The following PPM1L variants were observed in gnomAD, a reference collection of about 807,000 sequenced individuals.
PPM1L encodes protein phosphatase, Mg2+/Mn2+ dependent 1L, also known as protein phosphatase 1L.
Under a neutral mutation model 31.4 loss-of-function variants are expected in PPM1L, and 13 were observed. The observed-to-expected ratio is 0.41, with a 90% CI of 0.27 to 0.66. The LOEUF (loss-of-function observed/expected upper bound fraction) is 0.66. Ranked by LOEUF, PPM1L falls within the 30% of genes least tolerant of loss-of-function variation. The pLI, the probability that PPM1L is intolerant of heterozygous loss-of-function variation, is 0.29. For missense variants in PPM1L, 326 were observed against 453.7 expected (o/e 0.72, Z 2.56); for synonymous variants, 184 against 175.4 (o/e 1.05, Z -0.39).
chr3:160,830,477 T>A (rs1713492852), intron 1 of PPM1L, among the ~76,000 whole-genome samples: 1 of 152,210 alleles, frequency 6.6e-6, no homozygotes, highest in Non-Finnish European at 1.5e-5. Flanking sequence ...CGGAGTATTT[T>A]ACGTTATTCC....
intron 1 of PPM1L, among the ~76,000 whole-genome samples, chr3:160,957,895 G>A (rs1272637978): frequency 6.6e-6 from 1 of 152,014 alleles, no homozygotes; most frequent in African/African-American, 2.4e-5. Context: ...GTTTTAATTT[G>A]CATTTCTCTA....
rs1482559329 is a variant in PPM1L, at chr3:160,984,562, C to G, written c.574+22652C>G. The stretch of plus-strand genomic sequence containing the variant: ...TGGGATTAAGAGATTAAAGTAAAGA[C>G]AGGTATAGGAAATCACAAGAGTATT... On this transcript the variant is annotated intron_variant, in intron 2 of 3. Transcript: ENST00000498165. 3.3e-5 allele frequency among the ~76,000 whole-genome samples: 5 copies of G among 152,116 alleles called. No individual in the cohort carries two copies. In the East Asian group the frequency reaches 5.8e-4, roughly 18 times the overall value.
intron 1 of PPM1L, among the ~76,000 whole-genome samples, chr3:160,886,572 C>T (rs898241915): frequency 2.6e-5 from 4 of 152,196 alleles, no homozygotes; most frequent in East Asian, 1.9e-4. Context: ...CAGATGAATA[C>T]GGCCTGAAGT....
At chr3:160,835,317 A>G (rs896460871) in intron 1 of PPM1L, among the ~76,000 whole-genome samples, 8 of 151,728 alleles carry the variant, frequency 5.3e-5, no homozygotes, top group Admixed American at 2.6e-4. Context: ...GAGTATCCAC[A>G]TCTCATTGTG....
At chr3:160,881,624 T>C (rs560040507) in intron 1 of PPM1L, among the ~76,000 whole-genome samples, 1 of 152,350 alleles carries the variant, frequency 6.6e-6, no homozygotes, top group South Asian at 2.1e-4. Flanking sequence ...TGCTTTTGAC[T>C]ATTCTCCCTG....
At chr3:161,025,269 A>G (rs1253196991) in intron 2 of PPM1L, among the ~76,000 whole-genome samples, 2 of 152,278 alleles carry the variant, frequency 1.3e-5, no homozygotes, top group East Asian at 3.9e-4. Context: ...AGGCCCTTAT[A>G]AAAGATCCTT....
chr3:161,062,912 A>C (rs1719616744), intron 2 of PPM1L, among the ~76,000 whole-genome samples: 1 of 151,676 alleles, frequency 6.6e-6, no homozygotes, highest in Non-Finnish European at 1.5e-5. Context: ...AGGAGTGTCA[A>C]CCAGCCTAAC....
At chr3:161,033,769 G>A (rs1315244775) in intron 2 of PPM1L, among the ~76,000 whole-genome samples, 1 of 152,124 alleles carries the variant, frequency 6.6e-6, no homozygotes, top group Non-Finnish European at 1.5e-5. Flanking sequence ...TACCATTCAG[G>A]ACATAGGCAT....
intron 1 of PPM1L, among the ~76,000 whole-genome samples, chr3:160,839,065 C>T (rs1713794755): frequency 6.6e-6 from 1 of 152,282 alleles, no homozygotes; most frequent in Admixed American, 6.5e-5. Context: ...ATGAGATGCC[C>T]TCTGCTCTGT....
chr3:161,021,275 T>G (rs1435078024), intron 2 of PPM1L, among the ~76,000 whole-genome samples: 2 of 152,018 alleles, frequency 1.3e-5, no homozygotes, highest in African/African-American at 4.8e-5. Flanking sequence ...TTGTGATTTC[T>G]TTTTTTGATA....
chr3:161,055,663 T>TGTTGG (rs1163724119), intron 2 of PPM1L, among the ~76,000 whole-genome samples: 1 of 152,076 alleles, frequency 6.6e-6, no homozygotes, highest in Non-Finnish European at 1.5e-5. Context: ...TTGGCTGTTG[T>TGTTGG]AACACCTTCA....
At chr3:161,006,208 G>A (rs890596777) in intron 2 of PPM1L, among the ~76,000 whole-genome samples, 7 of 152,120 alleles carry the variant, frequency 4.6e-5, no homozygotes, top group Non-Finnish European at 1.0e-4. Context: ...CTGCAACATG[G>A]ATAAATCTTG....
intron 1 of PPM1L, among the ~76,000 whole-genome samples, chr3:160,787,020 T>A (rs1210982336): frequency 6.6e-6 from 1 of 152,170 alleles, no homozygotes; most frequent in East Asian, 1.9e-4. Flanking sequence ...GGCATCTAAG[T>A]TGATTCCGTG....
At chr3:160,908,505 A>T (rs532254401) in intron 1 of PPM1L, among the ~76,000 whole-genome samples, 59 of 152,342 alleles carry the variant, frequency 3.9e-4, no homozygotes, top group Middle Eastern at 3.4e-3. Flanking sequence ...CACTATATGT[A>T]GTCTGCTTAT....
chr3:160,857,095 G>T (rs1711734589), intron 1 of PPM1L, among the ~76,000 whole-genome samples: 1 of 152,116 alleles, frequency 6.6e-6, no homozygotes, highest in Non-Finnish European at 1.5e-5. Context: ...TTAAAAGAAA[G>T]AAGTTAATAT....
At chr3:161,024,074 C>T (rs1186057787) in intron 2 of PPM1L, among the ~76,000 whole-genome samples, 2 of 151,802 alleles carry the variant, frequency 1.3e-5, no homozygotes, top group South Asian at 2.1e-4. Context: ...GTCAGGAGTT[C>T]GAGGCTAGCG....
chr3:160,774,612 A>G (rs574585043), intron 1 of PPM1L, among the ~76,000 whole-genome samples: 214 of 152,328 alleles, frequency 1.4e-3, no homozygotes, highest in Non-Finnish European at 1.8e-3. Context: ...TTGTTTGCCT[A>G]TGCAAAAGTC....
At chr3:160,922,166 C>T (rs1398366995) in intron 1 of PPM1L, among the ~76,000 whole-genome samples, 9 of 152,012 alleles carry the variant, frequency 5.9e-5, no homozygotes, top group Non-Finnish European at 2.9e-5. Flanking sequence ...AAAAATTAGC[C>T]GGGCGTGGTG....
At position 161,065,523 on chromosome 3, in the gene PPM1L, A is replaced by T. The variant is rs1462593613; in HGVS notation, c.695A>T (p.Lys232Met). 1 of 1,614,096 alleles carries T rather than the reference A, an allele frequency of 6.2e-7. No homozygotes were observed. The highest frequency in any genetic ancestry group is 1.1e-5 in the South Asian group (1 of 91,084). The change falls in exon 3 of 4, where the codon AAG (lysine) becomes ATG (methionine). Residue 232 changes from lysine (K) to methionine (M), a missense_variant. Lys to Met is a moderately conservative substitution (Grantham distance 95). Transcript: ENST00000498165. ...GNAIPLSHDH[K>M]PYQLKERKRI... The stretch of plus-strand genomic sequence containing the variant: ...GCTATTCCTTTGTCTCATGATCACA[A>T]GCCTTACCAGTTGAAGGAAAGAAAG...
Sources: gnomAD v4.1 joint callset for allele counts (sites outside exome capture counted in the v4.1 genomes callset) on GRCh38, gnomAD v4.1.1 for gene constraint, MANE v1.5 for transcripts, NCBI Gene and HGNC (gene_info 2026-07-23, HGNC 2026-07-21) for gene names.